Variants in KCNH1 observed in about 807,000 individuals in gnomAD.
KCNH1 encodes the protein potassium voltage-gated channel subfamily H member 1.
Under a neutral mutation model 69.2 loss-of-function variants are expected in KCNH1, and 27 were observed. That is an observed-to-expected ratio of 0.39 (90% confidence interval 0.29 to 0.54). KCNH1 has a LOEUF of 0.54. Among genes scored for constraint, KCNH1 ranks in the 20% least tolerant of loss-of-function variants. KCNH1 has a pLI of 0.68. For missense variants in KCNH1, 798 were observed against 1,261.6 expected (o/e 0.63, Z 5.57); for synonymous variants, 456 against 487.7 (o/e 0.93, Z 0.86).
At chr1:210,954,926 T>C (rs1470923575) in intron 6 of KCNH1, among the ~76,000 whole-genome samples, 3 of 152,244 alleles carry the variant, frequency 2.0e-5, no homozygotes, top group African/African-American at 7.2e-5. Flanking sequence ...TTTGTGAATT[T>C]TGGCTTTTGT....
At chr1:211,082,732 G>A in intron 5 of KCNH1, 48 bp downstream of exon 5, 2 of 1,448,470 alleles carry the variant, frequency 1.4e-6, no homozygotes, top group Non-Finnish European at 1.9e-6. Context: ...CTCAGCCCAT[G>A]CACCCCCTAA....
chr1:210,957,029 C>G (rs187308804), intron 6 of KCNH1, among the ~76,000 whole-genome samples: 12 of 152,190 alleles, frequency 7.9e-5, no homozygotes, highest in Admixed American at 5.2e-4. Context: ...TAGATATTTT[C>G]TGCTTGCTCT....
At chr1:210,957,621 A>G (rs1354674190) in intron 6 of KCNH1, among the ~76,000 whole-genome samples, 2 of 152,122 alleles carry the variant, frequency 1.3e-5, no homozygotes, top group African/African-American at 4.8e-5. Flanking sequence ...ATATATATTT[A>G]GGTTAGTTAG....
intron 6 of KCNH1, among the ~76,000 whole-genome samples, chr1:210,994,813 G>A (rs544390285): frequency 6.6e-6 from 1 of 152,278 alleles, no homozygotes; most frequent in Non-Finnish European, 1.5e-5. Flanking sequence ...AAACAAGCCT[G>A]TATTCAAATC....
At chr1:210,994,016 T>C (rs750077233) in intron 6 of KCNH1, among the ~76,000 whole-genome samples, 18 of 152,154 alleles carry the variant, frequency 1.2e-4, no homozygotes, top group Non-Finnish European at 1.9e-4. Flanking sequence ...ATATTCATTA[T>C]CTTAGTGTTC....
At chr1:210,947,150 C>T (rs921170039) in intron 6 of KCNH1, among the ~76,000 whole-genome samples, 1 of 152,280 alleles carries the variant, frequency 6.6e-6, no homozygotes, top group East Asian at 1.9e-4. Context: ...GAAATTAGAT[C>T]GACCTCTAAA....
chr1:210,862,276 G>A lies in KCNH1; in HGVS notation c.1462+57364C>T. ...CCGCAGGGCCTCGATAATGGTGTTG[G>A]GGTCCATTGCAGCATGAACTAGGTC... On this transcript the variant is annotated intron_variant, in intron 7 of 10. Transcript: ENST00000271751. 7.2e-6 allele frequency: 7 copies of A among 976,516 alleles called. No individual in the cohort carries two copies. The South Asian group carries it at 7.9e-5, about 11-fold the overall frequency. The allele number at this position is 976,516 out of a possible 1,614,324, so 60.5% of individuals were successfully genotyped here. A position where few individuals can be genotyped will look rare whatever the true frequency, so the allele number is the denominator to read the frequency against.
At chr1:210,862,958 A>G (rs962465856) in intron 7 of KCNH1, among the ~76,000 whole-genome samples, 2 of 152,114 alleles carry the variant, frequency 1.3e-5, no homozygotes, top group African/African-American at 2.4e-5. Flanking sequence ...AAAACCAAAT[A>G]CTAACTGTGA....
At chr1:211,058,124 CA>C (rs1386251811) in intron 5 of KCNH1, among the ~76,000 whole-genome samples, 2 of 152,088 alleles carry the variant, frequency 1.3e-5, no homozygotes, top group Non-Finnish European at 2.9e-5. Context: ...AAATATTCTT[CA>C]AACATGAAGA....
intron 7 of KCNH1, among the ~76,000 whole-genome samples, chr1:210,841,210 A>T (rs1685402438): frequency 6.6e-6 from 1 of 152,200 alleles, no homozygotes; most frequent in South Asian, 2.1e-4. Flanking sequence ...GGATACTCTC[A>T]TCTCAGTTCC....
intron 5 of KCNH1, among the ~76,000 whole-genome samples, chr1:211,062,469 C>T (rs987341766): frequency 1.3e-5 from 2 of 152,096 alleles, no homozygotes; most frequent in African/African-American, 4.8e-5. Flanking sequence ...CAAATAGCAT[C>T]ATATCAAGTT....
chr1:211,006,420 A>C (rs569328518), intron 6 of KCNH1, among the ~76,000 whole-genome samples: 1 of 152,342 alleles, frequency 6.6e-6, no homozygotes, highest in South Asian at 2.1e-4. Flanking sequence ...TCTCAAAAGC[A>C]GTACTGAACA....
chr1:210,684,396 C>G (rs1387681902), intron 10 of KCNH1, among the ~76,000 whole-genome samples: 3 of 152,162 alleles, frequency 2.0e-5, no homozygotes, highest in African/African-American at 7.2e-5. Flanking sequence ...GGAACACATC[C>G]CATTTTTTCC....
At chr1:210,955,993 G>T (rs1168519842) in intron 6 of KCNH1, among the ~76,000 whole-genome samples, 1 of 152,088 alleles carries the variant, frequency 6.6e-6, no homozygotes, top group Non-Finnish European at 1.5e-5. Context: ...TTTTCAAAGG[G>T]AATGTTTCCA....
At chr1:210,903,214 G>T (rs1687031209) in intron 7 of KCNH1, among the ~76,000 whole-genome samples, 1 of 152,090 alleles carries the variant, frequency 6.6e-6, no homozygotes, top group African/African-American at 2.4e-5. Flanking sequence ...TCCTTTGGAA[G>T]TCCATACTTA....
chr1:210,863,965 A>G (rs1354044170), intron 7 of KCNH1, among the ~76,000 whole-genome samples: 4 of 89,592 alleles, frequency 4.5e-5, no homozygotes, highest in Non-Finnish European at 6.7e-5. Flanking sequence ...GGAGAGGGCA[A>G]TTAGGAAACC....
At chr1:211,130,665 T>A (rs1571671340) in intron 1 of KCNH1, among the ~76,000 whole-genome samples, 1 of 152,164 alleles carries the variant, frequency 6.6e-6, no homozygotes. Flanking sequence ...ACCTGAGGAT[T>A]CTTAGGTGAG....
intron 6 of KCNH1, among the ~76,000 whole-genome samples, chr1:211,002,023 G>T (rs1470030064): frequency 6.7e-6 from 1 of 148,538 alleles, no homozygotes; most frequent in African/African-American, 2.5e-5. Context: ...GGGGTGGGGG[G>T]AGTGGGGGGG....
chr1:210,988,099 C>T (rs990213951), intron 6 of KCNH1, among the ~76,000 whole-genome samples: 6 of 152,202 alleles, frequency 3.9e-5, no homozygotes, highest in Admixed American at 2.6e-4. Flanking sequence ...AGGATATAAT[C>T]TCCTGATGTG....
Sources: allele counts gnomAD v4.1 joint callset (sites outside exome capture counted in the v4.1 genomes callset), GRCh38; gene constraint gnomAD v4.1.1; transcripts MANE v1.5; gene names NCBI Gene and HGNC (gene_info 2026-07-23, HGNC 2026-07-21).